Variants in KCNB2 observed in about 807,000 individuals in gnomAD.
KCNB2 encodes the protein potassium voltage-gated channel subfamily B member 2.
Under a neutral mutation model 61.5 loss-of-function variants are expected in KCNB2, and 15 were observed. The observed-to-expected ratio is 0.24, with a 90% CI of 0.16 to 0.38. KCNB2 has a LOEUF of 0.38. KCNB2 is among the 10% of genes least tolerant of loss of function. The pLI is 1.00. For missense variants in KCNB2, 828 were observed against 1,125.2 expected (o/e 0.74, Z 3.78); for synonymous variants, 457 against 446.0 (o/e 1.02, Z -0.31).
chr8:72,578,822 C>T (rs1806844826), intron 2 of KCNB2, among the ~76,000 whole-genome samples: 1 of 152,164 alleles, frequency 6.6e-6, no homozygotes, highest in Admixed American at 6.5e-5. Context: ...AGTTGTTTGG[C>T]AAATGCCAAA....
intron 2 of KCNB2, among the ~76,000 whole-genome samples, chr8:72,671,000 C>T (rs1806555251): frequency 6.6e-6 from 1 of 152,202 alleles, no homozygotes; most frequent in Non-Finnish European, 1.5e-5. Context: ...CCATAGTGCT[C>T]ATATTCTGCC....
At chr8:72,848,887 A>T (rs988321193) in intron 2 of KCNB2, among the ~76,000 whole-genome samples, 1 of 152,050 alleles carries the variant, frequency 6.6e-6, no homozygotes, top group African/African-American at 2.4e-5. Context: ...CTTACAAGCT[A>T]TTGGAAATGT....
At position 72,625,660 on chromosome 8, in the gene KCNB2, G is replaced by A. The variant is rs145187542; in HGVS notation, c.579+57347G>A. On this transcript the variant is annotated intron_variant, in intron 2 of 2. Coordinates refer to ENST00000523207, the MANE Select transcript of KCNB2 (RefSeq NM_004770.3). ...TGCCCAGGCTGGTCTTGAACGCTTGGGCTCAAGTGATCTTTCTGCCTCGGC... is the reference window on the plus strand; with the variant it reads ...TGCCCAGGCTGGTCTTGAACGCTTGAGCTCAAGTGATCTTTCTGCCTCGGC... 1.2e-4 allele frequency among the ~76,000 whole-genome samples: 18 copies of A among 152,164 alleles called. No individual in the cohort carries two copies. The East Asian group carries it at 3.5e-3, about 30-fold the overall frequency.
At chr8:72,582,525 A>G (rs541644335) in intron 2 of KCNB2, among the ~76,000 whole-genome samples, 2 of 152,336 alleles carry the variant, frequency 1.3e-5, no homozygotes, top group South Asian at 4.1e-4. Flanking sequence ...AAATGTGGAT[A>G]AGTCCAGAGT....
At position 72,893,100 on chromosome 8, in the gene KCNB2, TA is replaced by T. The variant is rs750720798; in HGVS notation, c.580-42820del. On this transcript the variant is annotated intron_variant, in intron 2 of 2. Transcript: ENST00000523207. ...AGGAAGGAGGTTGATGCAAGTTGAT[TA>T]AAAAAAAAAAAAAACTAGATGGCCA... Among the ~76,000 whole-genome samples the T allele has an allele frequency of 2.2e-3, 308 of 137,824 alleles. 1 individual carries two copies. Among genetic ancestry groups the T allele is most frequent in the African/African-American group, 3.1e-3 (118 of 37,654 alleles). The allele number at this position is 137,824 out of a possible 152,430, so 90.4% of individuals were successfully genotyped here.
At chr8:72,610,110 A>C (rs1258959321) in intron 2 of KCNB2, among the ~76,000 whole-genome samples, 1 of 151,440 alleles carries the variant, frequency 6.6e-6, no homozygotes. Context: ...AAACAACAGG[A>C]AAAAAAAATC....
intron 2 of KCNB2, among the ~76,000 whole-genome samples, chr8:72,635,140 G>T (rs1480419864): frequency 6.6e-6 from 1 of 152,144 alleles, no homozygotes; most frequent in East Asian, 1.9e-4. Flanking sequence ...GTGAAGGCTG[G>T]GCATTCCTGG....
chr8:72,788,339 T>C (rs1808876304), intron 2 of KCNB2, among the ~76,000 whole-genome samples: 1 of 152,108 alleles, frequency 6.6e-6, no homozygotes, highest in Non-Finnish European at 1.5e-5. Flanking sequence ...AGTTTGCAGA[T>C]GATGTCTTCT....
rs890603716 is a variant in KCNB2, at chr8:72,587,739, GA to G, written c.579+19434del. 4.3e-3 allele frequency among the ~76,000 whole-genome samples: 644 copies of G among 150,900 alleles called. 4 individuals are homozygous for G. The highest frequency in any genetic ancestry group is 0.015 in the African/African-American group (603 of 41,118). The stretch of plus-strand genomic sequence containing the variant: ...AAAGAGTTAGACCCTGTCTCAATGG[GA>G]AAAAAAAGGAAAGAAAAGGAAATGT... On this transcript the variant is annotated intron_variant, in intron 2 of 2. Transcript: ENST00000523207.
chr8:72,929,875 A>G lies in KCNB2; in HGVS notation c.580-6060A>G, dbSNP rs186533720. Among the ~76,000 whole-genome samples, 539 of 151,914 alleles carry G rather than the reference A, an allele frequency of 3.5e-3. 3 individuals are homozygous for G. Among genetic ancestry groups the G allele is most frequent in the African/African-American group, 0.011 (440 of 41,450 alleles). On this transcript the variant is annotated intron_variant, in intron 2 of 2. Transcript: ENST00000523207. ...GCAGCTTTGTTACATATGTATACATATGCCATGTTGGTGTGCTGCACCCAT... is the reference window on the plus strand; with the variant it reads ...GCAGCTTTGTTACATATGTATACATGTGCCATGTTGGTGTGCTGCACCCAT...
chr8:72,640,704 AG>A (rs1319361209), intron 2 of KCNB2, among the ~76,000 whole-genome samples: 12 of 152,096 alleles, frequency 7.9e-5, no homozygotes, highest in African/African-American at 2.9e-4. Context: ...ATTAGGAAAA[AG>A]GAGTTTAATT....
rs567573084 is a variant in KCNB2 at position 72,888,357 on chromosome 8, C to T, written c.580-47578C>T. Among the ~76,000 whole-genome samples, 216 of 152,264 alleles carry T rather than the reference C, an allele frequency of 1.4e-3. 8 individuals are homozygous for T. The South Asian group carries it at 0.044, about 31-fold the overall frequency. ...AACTCCTGGGCTCAAGAGATCCACC[C>T]ACCGCAGCTTCCCAAAGTGCTAGGA... On this transcript the variant is annotated intron_variant, in intron 2 of 2. Coordinates refer to ENST00000523207, the MANE Select transcript of KCNB2 (RefSeq NM_004770.3).
chr8:72,824,239 T>A (rs145300241), intron 2 of KCNB2, among the ~76,000 whole-genome samples: 1 of 152,248 alleles, frequency 6.6e-6, no homozygotes, highest in Non-Finnish European at 1.5e-5. Context: ...GTATCCGTTC[T>A]GCAGGAGTAG....
intron 2 of KCNB2, among the ~76,000 whole-genome samples, chr8:72,786,038 G>GA (rs1808840600): frequency 4.4e-5 from 6 of 135,550 alleles, no homozygotes; most frequent in South Asian, 4.8e-4. Context: ...TGTGAAGGGA[G>GA]AAAAAACCCA....
chr8:72,624,613 A>G (rs1328509796), intron 2 of KCNB2, among the ~76,000 whole-genome samples: 1 of 152,158 alleles, frequency 6.6e-6, no homozygotes, highest in Non-Finnish European at 1.5e-5. Context: ...CTACCTGATC[A>G]CACTAACAAG....
chr8:72,849,857 A>G (rs1260423297), intron 2 of KCNB2, among the ~76,000 whole-genome samples: 1 of 152,200 alleles, frequency 6.6e-6, no homozygotes, highest in Non-Finnish European at 1.5e-5. Flanking sequence ...CTTTGACTCC[A>G]AAACCTAACA....
At position 72,937,406 on chromosome 8, in the gene KCNB2, A is replaced by G. The variant is rs767879064; in HGVS notation, c.2051A>G (p.Gln684Arg). ...ITVNLDASGS[Q>R]CGLHSPLQSD... The stretch of plus-strand genomic sequence containing the variant: ...GTGAACCTCGATGCCAGTGGCTCCC[A>G]GTGTGGGCTACATAGTCCTTTGCAG... Residue 684 changes from glutamine (Q) to arginine (R), a missense_variant, in exon 3 of 3, where the codon CAG becomes CGG. By Grantham distance (43) the Gln-to-Arg change is conservative. Transcript: ENST00000523207. The G allele has an allele frequency of 2.8e-5, 46 of 1,614,080 alleles. 2 individuals are homozygous for G. The South Asian group carries it at 3.7e-4, about 13-fold the overall frequency.
chr8:72,856,922 C>G (rs936439493), intron 2 of KCNB2, among the ~76,000 whole-genome samples: 1 of 152,170 alleles, frequency 6.6e-6, no homozygotes, highest in Non-Finnish European at 1.5e-5. Context: ...TATCCTGCCC[C>G]CCTTCCCCCA....
intron 2 of KCNB2, among the ~76,000 whole-genome samples, chr8:72,575,382 A>G (rs1806780283): frequency 6.6e-6 from 1 of 152,106 alleles, no homozygotes; most frequent in African/African-American, 2.4e-5. Flanking sequence ...GCAGTTAGTT[A>G]TACTGGGACT....
Sources: gnomAD v4.1 joint callset for allele counts (sites outside exome capture counted in the v4.1 genomes callset) on GRCh38, gnomAD v4.1.1 for gene constraint, MANE v1.5 for transcripts, NCBI Gene and HGNC (gene_info 2026-07-23, HGNC 2026-07-21) for gene names.